Variants in PLEKHH2 observed in about 807,000 individuals in gnomAD.
The protein encoded by PLEKHH2 is pleckstrin homology domain-containing family H member 2.
In PLEKHH2, 129 loss-of-function variants were observed where a neutral mutation model predicts 187.9. The observed-to-expected ratio is 0.69, with a 90% CI of 0.59 to 0.79. The LOEUF (loss-of-function observed/expected upper bound fraction) is 0.79, where lower values mean the gene tolerates loss of function less well. PLEKHH2 is among the 30% of genes least tolerant of loss of function. The pLI, the probability that PLEKHH2 is intolerant of heterozygous loss-of-function variation, is 0.00. For missense variants in PLEKHH2, 2,076 were observed against 1,751.2 expected (o/e 1.19, Z -3.31); for synonymous variants, 686 against 605.6 (o/e 1.13, Z -1.95).
chr2:43,650,144 CTTTTTTTTTTTTT>C (rs70965311), intron 2 of PLEKHH2, among the ~76,000 whole-genome samples: 3 of 95,664 alleles, frequency 3.1e-5, no homozygotes, highest in African/African-American at 1.3e-4. Flanking sequence ...TTTTTCTTTC[CTTTTTTTTTTTTT>C]TTTTTTTTTC....
At chr2:43,724,622 C>G (rs1336561319) in intron 16 of PLEKHH2, among the ~76,000 whole-genome samples, 1 of 152,136 alleles carries the variant, frequency 6.6e-6, no homozygotes, top group Admixed American at 6.5e-5. Context: ...TGATATATAA[C>G]AAAGAGCCTT....
At chr2:43,719,746 C>T (rs887563886) in intron 15 of PLEKHH2, among the ~76,000 whole-genome samples, 1 of 152,192 alleles carries the variant, frequency 6.6e-6, no homozygotes, top group African/African-American at 2.4e-5. Context: ...CCTTCATCTT[C>T]TCACTTCTAA....
chr2:43,697,879 A>G (rs575161569), intron 7 of PLEKHH2, among the ~76,000 whole-genome samples: 1 of 152,324 alleles, frequency 6.6e-6, no homozygotes, highest in African/African-American at 2.4e-5. Context: ...TCCAAGAGGA[A>G]AATGTTTTCC....
rs759005647 is a variant in PLEKHH2, at chr2:43,699,700, G to A, written c.742G>A (p.Gly248Ser). 2.5e-6 allele frequency: 4 copies of A among 1,614,114 alleles called. No homozygotes were observed. The highest frequency in any genetic ancestry group is 2.5e-6 in the Non-Finnish European group (3 of 1,179,970). Residue 248 changes from glycine (G) to serine (S), a missense_variant, in exon 8 of 30, where the codon GGC becomes AGC. Coordinates refer to ENST00000282406, the MANE Select transcript of PLEKHH2 (RefSeq NM_172069.4). ...VDNQVLENNR[G>S]QRTLHQTPCG... is the part of the protein sequence containing the mutation. ...TAACCAAGTTCTAGAAAACAACAGA[G>A]GCCAGAGAACATTGCATCAAACCCC...
At chr2:43,762,517 T>C in intron 28 of PLEKHH2, 127 bp downstream of exon 28, 1 of 628,430 alleles carries the variant, frequency 1.6e-6, no homozygotes, top group South Asian at 2.5e-5. Flanking sequence ...CCTAATACTA[T>C]GTCATGAACA....
intron 8 of PLEKHH2, 73 bp downstream of exon 8, chr2:43,700,681 C>G (rs1669320195): frequency 4.0e-6 from 6 of 1,503,390 alleles, no homozygotes; most frequent in Non-Finnish European, 5.3e-6. Flanking sequence ...GGGAGGGAGT[C>G]TCGCTCTGTC....
intron 28 of PLEKHH2, among the ~76,000 whole-genome samples, chr2:43,762,916 ATTAT>A (rs1262298659): frequency 1.3e-5 from 2 of 152,120 alleles, no homozygotes; most frequent in Non-Finnish European, 2.9e-5. Flanking sequence ...CATGTGTCTA[ATTAT>A]TTAATACAAT....
chr2:43,697,626 G>C (rs1669154682), intron 7 of PLEKHH2, among the ~76,000 whole-genome samples: 1 of 152,062 alleles, frequency 6.6e-6, no homozygotes, highest in Non-Finnish European at 1.5e-5. Flanking sequence ...AAATTAAAAA[G>C]TTTACTGTCC....
chr2:43,684,903 C>T (rs1327530354), intron 3 of PLEKHH2, among the ~76,000 whole-genome samples: 1 of 150,112 alleles, frequency 6.7e-6, no homozygotes, highest in Non-Finnish European at 1.5e-5. Context: ...TTCTTTTTGT[C>T]ACAACACTTT....
At chr2:43,655,358 A>G (rs1666701519) in intron 2 of PLEKHH2, among the ~76,000 whole-genome samples, 1 of 152,144 alleles carries the variant, frequency 6.6e-6, no homozygotes, top group South Asian at 2.1e-4. Context: ...TAGGAAATCA[A>G]GAGCAGTGGA....
Position 43,702,527 on chromosome 2 carries a change from C to CTTTTTTTTTTTTTTTTTT in PLEKHH2, c.1651-1449_1651-1432dup, listed in dbSNP as rs1167078689. Among the ~76,000 whole-genome samples, 37 of 57,384 alleles carry CTTTTTTTTTTTTTTTTTT rather than the reference C, an allele frequency of 6.4e-4. 1 individual carries two copies. Among genetic ancestry groups the CTTTTTTTTTTTTTTTTTT allele is most frequent in the Non-Finnish European group, 8.5e-4 (28 of 32,942 alleles). The allele number at this position is 57,384 out of a possible 152,430, so 37.6% of individuals were successfully genotyped here. A position where few individuals can be genotyped will look rare whatever the true frequency, so the allele number is the denominator to read the frequency against. On this transcript the variant is annotated intron_variant, in intron 8 of 29. Coordinates refer to ENST00000282406, the MANE Select transcript of PLEKHH2 (RefSeq NM_172069.4). Reference sequence around the variant, plus strand: ...TTTTATTTGGCAACCCATTCTACTACTTTTTTTTTTTTTTTTTTTTTTCCA... The same window carrying CTTTTTTTTTTTTTTTTTT: ...TTTTATTTGGCAACCCATTCTACTACTTTTTTTTTTTTTTTTTTTTTTTTTTTTTTTTTTTTTTTTCCA...
At chr2:43,676,163 A>C in intron 2 of PLEKHH2, 1 of 1,614,076 alleles carries the variant, frequency 6.2e-7, no homozygotes, top group African/African-American at 1.3e-5. Context: ...GAAGTGTTTA[A>C]GAAATCGTTC....
rs112664271 is a variant in PLEKHH2 at position 43,728,562 on chromosome 2, CTT to C, written c.2722-1059_2722-1058del. Among the ~76,000 whole-genome samples the C allele has an allele frequency of 6.4e-3, 864 of 135,750 alleles. 7 individuals carry two copies. Among genetic ancestry groups the C allele is most frequent in the African/African-American group, 0.022 (792 of 36,626 alleles). The allele number at this position is 135,750 out of a possible 152,430, so 89.1% of individuals were successfully genotyped here. ...TGTATAGTTTGTTCAACACAATACT[CTT>C]TTTTTTTTTTTTTTTAAAACAGAGT... On this transcript the variant is annotated intron_variant, in intron 17 of 29. Coordinates refer to ENST00000282406, the MANE Select transcript of PLEKHH2 (RefSeq NM_172069.4).
chr2:43,643,725 T>C (rs34680865), intron 1 of PLEKHH2, among the ~76,000 whole-genome samples: 5,941 of 152,180 alleles, frequency 0.039, 166 homozygotes, highest in Non-Finnish European at 0.056. Context: ...GGGCAGTTCA[T>C]AGCAAGGGGA....
rs950710561 is a variant in PLEKHH2 at position 43,639,445 on chromosome 2, T to C, written c.-4+2066T>C. On this transcript the variant is annotated intron_variant, in intron 1 of 29. Coordinates refer to ENST00000282406, the MANE Select transcript of PLEKHH2 (RefSeq NM_172069.4). The stretch of plus-strand genomic sequence containing the variant: ...ATCTGCTACCTTCTCCTCACAGCCC[T>C]TGGCAACCACTAACCTACTTTCTGT... 3.9e-5 allele frequency among the ~76,000 whole-genome samples: 6 copies of C among 152,168 alleles called. No individual in the cohort carries two copies. The East Asian group carries it at 1.2e-3, about 29-fold the overall frequency.
At chr2:43,743,185 T>A (rs2104599390) in intron 22 of PLEKHH2, among the ~76,000 whole-genome samples, 1 of 152,278 alleles carries the variant, frequency 6.6e-6, no homozygotes, top group East Asian at 1.9e-4. Flanking sequence ...AACACTTCGG[T>A]TGGGGCTTTT....
chr2:43,681,039 T>A, intron 3 of PLEKHH2: 1 of 1,277,674 alleles, frequency 7.8e-7, no homozygotes. Flanking sequence ...CCAACTGGAA[T>A]TCCTTCCTGT....
At chr2:43,720,024 G>A (rs1481289230) in intron 15 of PLEKHH2, among the ~76,000 whole-genome samples, 1 of 152,124 alleles carries the variant, frequency 6.6e-6, no homozygotes, top group Non-Finnish European at 1.5e-5. Flanking sequence ...CATTCATGGG[G>A]TACAAGTGGA....
intron 19 of PLEKHH2, among the ~76,000 whole-genome samples, chr2:43,737,276 A>G (rs1671338193): frequency 6.6e-6 from 1 of 152,254 alleles, no homozygotes; most frequent in African/African-American, 2.4e-5. Context: ...GTCTGCATCC[A>G]GTCAAAGATC....
Sources: allele counts gnomAD v4.1 joint callset (sites outside exome capture counted in the v4.1 genomes callset), GRCh38; gene constraint gnomAD v4.1.1; transcripts MANE v1.5; gene names NCBI Gene and HGNC (gene_info 2026-07-23, HGNC 2026-07-21).